The following MYO1G variants were observed in gnomAD, a reference collection of about 807,000 sequenced individuals.
The protein encoded by MYO1G is myosin IG.
A neutral mutation model predicts 115.3 loss-of-function variants in MYO1G; 65 were observed. The ratio of observed to expected loss-of-function variants is 0.56; its 90% CI spans 0.46 to 0.69. The LOEUF (loss-of-function observed/expected upper bound fraction) is 0.69. Among genes scored for constraint, MYO1G ranks in the 30% least tolerant of loss-of-function variants. The pLI, the probability that MYO1G is intolerant of heterozygous loss-of-function variation, is 0.00. For synonymous variants in MYO1G, 510 were observed against 552.6 expected (o/e 0.92, Z 1.08); for missense variants, 1,204 against 1,393.5 (o/e 0.86, Z 2.16).
intron 17 of MYO1G, 124 bp from the exon 18 acceptor site, chr7:44,965,213 G>A (rs369436130): frequency 7.2e-7 from 1 of 1,396,680 alleles, no homozygotes. Context: ...CCCAACCTCT[G>A]CCGGCCTCTC....
Position 44,964,894 on chromosome 7 carries a change from TCTTTGGCAGCCCACTTCCCC to T in MYO1G, c.2526+31_2526+50del. On this transcript the variant is annotated intron_variant, in intron 18 of 21. Coordinates refer to ENST00000258787, the MANE Select transcript of MYO1G (RefSeq NM_033054.3). The surrounding 1 kb of genome is among the most constrained non-coding windows in gnomAD (Gnocchi z 5.1). Reference sequence around the variant, plus strand: ...TGGTCACAGCATTAGCCGAGAGCCCTCTTTGGCAGCCCACTTCCCCCTGGCAGCCCTGGACTCGCCTGGCA... The same window carrying T: ...TGGTCACAGCATTAGCCGAGAGCCCTCTGGCAGCCCTGGACTCGCCTGGCA... The T allele has an allele frequency of 6.4e-7, 1 of 1,566,864 alleles. No individual in the cohort carries two copies. Among genetic ancestry groups the T allele is most frequent in the Non-Finnish European group, 8.7e-7 (1 of 1,150,996 alleles).
Position 44,973,586 on chromosome 7 carries a change from G to A in MYO1G, c.619-1361C>T, listed in dbSNP as rs913273052. 2.0e-5 allele frequency: 3 copies of A among 152,150 alleles called. No homozygotes were observed. In the East Asian group the frequency reaches 5.8e-4, roughly 29 times the overall value. The allele number at this position is 152,150 out of a possible 1,614,324, so 9.4% of individuals were successfully genotyped here. Reference sequence around the variant, plus strand: ...TCTGAAAAAAACTCTCTGTGTCCCAGGGAGCTCCCACCTCAGTGGAGAGTT... The same window carrying A: ...TCTGAAAAAAACTCTCTGTGTCCCAAGGAGCTCCCACCTCAGTGGAGAGTT... On this transcript the variant is annotated intron_variant, in intron 5 of 21. Transcript: ENST00000258787.
chr7:44,971,988 C>T, intron 6 of MYO1G, 127 bp downstream of exon 6: 1 of 824,982 alleles, frequency 1.2e-6, no homozygotes, highest in Admixed American at 2.1e-5. Context: ...CCACCCCGAG[C>T]ACCCTCCCCA....
chr7:44,971,601 A>G, intron 7 of MYO1G, 72 bp downstream of exon 7: 1 of 1,141,336 alleles, frequency 8.8e-7, no homozygotes, highest in African/African-American at 1.5e-5. Context: ...TCTCCTCCTC[A>G]TCCCTGGGTG....
intron 2 of MYO1G, 76 bp from the exon 3 acceptor site, chr7:44,976,733 C>T (rs1795056263): frequency 6.3e-7 from 1 of 1,594,012 alleles, no homozygotes; most frequent in East Asian, 2.2e-5. Context: ...CACTCACACC[C>T]CCAAGACTGG....
chr7:44,962,919 G>T lies in MYO1G; in HGVS notation c.2901-24C>A, dbSNP rs114777661. 15 of 1,498,930 alleles carry T rather than the reference G, an allele frequency of 1.0e-5. No homozygotes were observed. The highest frequency in any genetic ancestry group is 1.3e-5 in the Non-Finnish European group (15 of 1,126,576). The allele number at this position is 1,498,930 out of a possible 1,614,324, so 92.9% of individuals were successfully genotyped here. A position where few individuals can be genotyped will look rare whatever the true frequency, so the allele number is the denominator to read the frequency against. ...CCCTGCGGCAGGAGGAGGGGTCAGG[G>T]CGGCCACGCGGCCGGGGCTTCGTGC... On this transcript the variant is annotated intron_variant, in intron 21 of 21. Transcript: ENST00000258787. The surrounding 1 kb of genome is among the most constrained non-coding windows in gnomAD (Gnocchi z 5.3).
At chr7:44,975,670 G>C (rs1161963999) in intron 3 of MYO1G, 21 bp from the exon 4 acceptor site, 1 of 1,572,876 alleles carries the variant, frequency 6.4e-7, no homozygotes, top group East Asian at 2.3e-5. Context: ...AGAGGGGCTG[G>C]GTCTTAAGGC....
rs1289610262 is a variant in MYO1G, at chr7:44,976,996, C to T, written c.171G>A (p.Leu57=). 6.2e-7 allele frequency: 1 copy of T among 1,613,676 alleles called. No homozygotes were observed. The highest frequency in any genetic ancestry group is 8.5e-7 in the Non-Finnish European group (1 of 1,180,026). The change falls in exon 2 of 22, where the codon CTG becomes CTA. Residue 57 remains leucine, a synonymous_variant. Transcript: ENST00000258787. Reference sequence around the variant, plus strand: ...ACCTGGCGATGGCCTCAGGCCCATACAGGGGCAGCTCCTGGTAGGGGTTCA... The same window carrying T: ...ACCTGGCGATGGCCTCAGGCCCATATAGGGGCAGCTCCTGGTAGGGGTTCA... ...VSVNPYQELP[L]YGPEAIARYQ...
At position 44,970,685 on chromosome 7, in the gene MYO1G, A is replaced by G. The variant is rs750522884; in HGVS notation, c.1124T>C (p.Met375Thr). The G allele has an allele frequency of 6.2e-7, 1 of 1,613,974 alleles. No homozygotes were observed. Among genetic ancestry groups the G allele is most frequent in the East Asian group, 2.2e-5 (1 of 44,876 alleles). The part of the protein sequence containing the change: ...EWVVNRINSV[M>T]EPRGRDPRRD... ...CCGAGGATCCCGGCCCCGGGGTTCC[A>G]TGACACTGTTGATCCTGTTCACCAC... Residue 375 changes from methionine to threonine, a missense_variant, in exon 9 of 22, where the codon ATG (methionine) becomes ACG (threonine). Coordinates refer to ENST00000258787, the MANE Select transcript of MYO1G (RefSeq NM_033054.3).
chr7:44,972,350 G>A, intron 5 of MYO1G, 125 bp from the exon 6 acceptor site: 2 of 711,272 alleles, frequency 2.8e-6, no homozygotes, highest in Admixed American at 2.1e-5. Context: ...CGTGGGGGAA[G>A]GTCAGACAGT....
chr7:44,969,881 G>A lies in MYO1G; in HGVS notation c.1333-6C>T, dbSNP rs907298500. 15 of 1,599,090 alleles carry A rather than the reference G, an allele frequency of 9.4e-6. No individual in the cohort carries two copies. The highest frequency in any genetic ancestry group is 1.3e-5 in the Non-Finnish European group (15 of 1,171,472). On this transcript the variant is annotated splice_polypyrimidine_tract_variant and splice_region_variant and intron_variant, in intron 10 of 21. Transcript: ENST00000258787. This position sits in a 1 kb window ranked among gnomAD's most constrained non-coding sequence, Gnocchi z 5.0. Reference sequence around the variant, plus strand: ...GCGTTGTTGAAATACTCAACCTGGGGCAAAGGCAGCCAGCAAGGAAGCTCC... The same window carrying A: ...GCGTTGTTGAAATACTCAACCTGGGACAAAGGCAGCCAGCAAGGAAGCTCC...
At position 44,964,117 on chromosome 7, in the gene MYO1G, C is replaced by T. The variant is rs144298882; in HGVS notation, c.2677G>A (p.Asp893Asn). The T allele has an allele frequency of 1.7e-5, 27 of 1,606,610 alleles. No homozygotes were observed. Among genetic ancestry groups the T allele is most frequent in the Non-Finnish European group, 2.2e-5 (26 of 1,176,800 alleles). Residue 893 changes from aspartate (D) to asparagine (N), a missense_variant, in exon 20 of 22, where the codon GAC becomes AAC. Physicochemically the swap from Asp to Asn is conservative, Grantham distance 23. Coordinates refer to ENST00000258787, the MANE Select transcript of MYO1G (RefSeq NM_033054.3). This position sits in a 1 kb window ranked among gnomAD's most constrained non-coding sequence, Gnocchi z 5.1. ...GGGTCCAGCTTGTAGAGGTGCTGGT[C>T]TGTGAGCAGGAGGGCCCGGTTCCGG... ...KIRNRALLLT[D>N]QHLYKLDPDR...
chr7:44,967,884 C>G lies in MYO1G; in HGVS notation c.1649G>C (p.Ser550Thr), dbSNP rs1024637656. The G allele has an allele frequency of 1.2e-6, 2 of 1,613,868 alleles. No individual in the cohort carries two copies. Among genetic ancestry groups the G allele is most frequent in the Non-Finnish European group, 1.7e-6 (2 of 1,180,018 alleles). ...ATGGTGCCCAGCAAGCCGTGCTCACCTGTTGTACAGCAGCCGCTTGAAGTC... is the reference window on the plus strand; with the variant it reads ...ATGGTGCCCAGCAAGCCGTGCTCACGTGTTGTACAGCAGCCGCTTGAAGTC... Reference protein sequence around the residue: ...FQDFKRLLYNSTDPTLRAMWP... With the variant: ...FQDFKRLLYNTTDPTLRAMWP... Residue 550 changes from serine to threonine, a missense_variant and splice_region_variant, in exon 13 of 22, where the codon AGC becomes ACC. Ser to Thr is a moderately conservative substitution (Grantham distance 58). Transcript: ENST00000258787.
chr7:44,968,966 A>G, intron 12 of MYO1G: 1 of 183,468 alleles, frequency 5.5e-6, no homozygotes, highest in South Asian at 1.1e-4. Flanking sequence ...GTTAATAGCC[A>G]TCATGACAAC....
chr7:44,972,922 C>T (rs1794985605), intron 5 of MYO1G: 4 of 152,308 alleles, frequency 2.6e-5, no homozygotes, highest in Admixed American at 2.6e-4. Context: ...TTCCAGAGAG[C>T]TCCACTTCAG....
At position 44,962,963 on chromosome 7, in the gene MYO1G, C is replaced by T; in HGVS notation, c.2900+7G>A. 2 of 1,530,056 alleles carry T rather than the reference C, an allele frequency of 1.3e-6. No homozygotes were observed. Among genetic ancestry groups the T allele is most frequent in the East Asian group, 2.5e-5 (1 of 39,500 alleles). The allele number at this position is 1,530,056 out of a possible 1,614,324, so 94.8% of individuals were successfully genotyped here. A position where few individuals can be genotyped will look rare whatever the true frequency, so the allele number is the denominator to read the frequency against. On this transcript the variant is annotated splice_region_variant and intron_variant, in intron 21 of 21. Coordinates refer to ENST00000258787, the MANE Select transcript of MYO1G (RefSeq NM_033054.3). The surrounding 1 kb of genome is among the most constrained non-coding windows in gnomAD (Gnocchi z 5.3). ...TTCGTGCCCGCTACCGCCCAGCCTG[C>T]ACTCACCCCTGGCAGTGTGCGGCCA...
At chr7:44,975,011 GT>G in intron 5 of MYO1G, 162 bp downstream of exon 5, 1 of 743,138 alleles carries the variant, frequency 1.3e-6, no homozygotes, top group South Asian at 1.5e-5. Context: ...TGGGGTACTG[GT>G]TGGGGTGAGT....
In MYO1G at chr7:44,976,601, C is replaced by G; in HGVS notation, c.361G>C (p.Ala121Pro). Residue 121 changes from alanine (A) to proline (P), a missense_variant, in exon 3 of 22, where the codon GCT becomes CCT. Physicochemically the swap from Ala to Pro is conservative, Grantham distance 27 (BLOSUM62 -1). Coordinates refer to ENST00000258787, the MANE Select transcript of MYO1G (RefSeq NM_033054.3). Reference protein sequence around the residue: ...ASKHIMQYIAAVTNPSQRAEV... With the variant: ...ASKHIMQYIAPVTNPSQRAEV... ...GCCCTCTGGCTTGGATTGGTGACAG[C>G]AGCGATGTACTGCATGATGTGCTTA... The G allele has an allele frequency of 6.2e-7, 1 of 1,614,130 alleles. No homozygotes were observed. Among genetic ancestry groups the G allele is most frequent in the Non-Finnish European group, 8.5e-7 (1 of 1,180,022 alleles).
chr7:44,971,091 C>A, intron 7 of MYO1G, 32 bp from the exon 8 acceptor site: 2 of 1,574,452 alleles, frequency 1.3e-6, no homozygotes, highest in Admixed American at 1.8e-5. Flanking sequence ...ACAGTCCGGG[C>A]TCCATGTCTC....
Sources: gnomAD v4.1 joint callset for allele counts on GRCh38, gnomAD v4.1.1 for gene constraint, Gnocchi (gnomAD v3.1) non-coding constraint, MANE v1.5 for transcripts, NCBI Gene and HGNC (gene_info 2026-07-23, HGNC 2026-07-21) for gene names.